WIPI2: variants seen among roughly 807,000 people sequenced by gnomAD.
WIPI2 encodes the protein WD repeat domain phosphoinositide-interacting protein 2.
WIPI2 carries 28 observed loss-of-function variants against 52.3 expected under a neutral mutation model. The ratio of observed to expected loss-of-function variants is 0.54; its 90% CI spans 0.40 to 0.73. The LOEUF (loss-of-function observed/expected upper bound fraction) is 0.73, where lower values mean the gene tolerates loss of function less well. Ranked by LOEUF, WIPI2 falls within the 30% of genes least tolerant of loss-of-function variation. The pLI is 0.00. For missense variants in WIPI2, 506 were observed against 602.9 expected, an observed-to-expected ratio of 0.84 and a Z score of 1.68; for synonymous variants, 268 against 245.0, an observed-to-expected ratio of 1.09 and a Z score of -0.88.
chr7:5,199,674 A>G lies in WIPI2; in HGVS notation c.211+16A>G, dbSNP rs762155459. ...TATGAATGCAGTAAGTGTTTGCTTTATTTTTCCCCTTCTTAAAAAAAAAAA... is the reference window on the plus strand; with the variant it reads ...TATGAATGCAGTAAGTGTTTGCTTTGTTTTTCCCCTTCTTAAAAAAAAAAA... On this transcript the variant is annotated intron_variant, in intron 3 of 12. Transcript: ENST00000288828. The G allele has an allele frequency of 1.3e-6, 2 of 1,536,116 alleles. No individual in the cohort carries two copies. The highest frequency in any genetic ancestry group is 1.7e-6 in the Non-Finnish European group (2 of 1,149,244).
At chr7:5,228,576 C>A (rs1783562296) in intron 11 of WIPI2, among the ~76,000 whole-genome samples, 1 of 152,192 alleles carries the variant, frequency 6.6e-6, no homozygotes, top group Non-Finnish European at 1.5e-5. Flanking sequence ...GCGTGGTGGC[C>A]TCCACAATTC....
intron 2 of WIPI2, among the ~76,000 whole-genome samples, chr7:5,197,066 C>T (rs895778288): frequency 2.3e-5 from 3 of 128,796 alleles, no homozygotes; most frequent in African/African-American, 8.5e-5. Flanking sequence ...GAGCCAGGAT[C>T]GCGCTGCTGC....
intron 3 of WIPI2, among the ~76,000 whole-genome samples, chr7:5,203,378 G>T (rs533806449): frequency 1.3e-5 from 2 of 152,288 alleles, no homozygotes; most frequent in Admixed American, 6.5e-5. Flanking sequence ...GATTCAAGCA[G>T]TTATTTCATG....
At chr7:5,221,439 G>A (rs1783124441) in intron 7 of WIPI2, among the ~76,000 whole-genome samples, 1 of 152,124 alleles carries the variant, frequency 6.6e-6, no homozygotes, top group African/African-American at 2.4e-5. Context: ...ATAGTAGGAG[G>A]GTGAATGTTG....
At chr7:5,198,160 C>G (rs942458703) in intron 2 of WIPI2, among the ~76,000 whole-genome samples, 4 of 152,138 alleles carry the variant, frequency 2.6e-5, no homozygotes, top group Admixed American at 6.5e-5. Context: ...TCTAAGGTAG[C>G]TTTGGAGTCC....
intron 3 of WIPI2, chr7:5,214,072 C>G (rs1282062661): frequency 1.6e-5 from 4 of 250,084 alleles, no homozygotes; most frequent in Non-Finnish European, 1.6e-5. Context: ...TGTCATGCCA[C>G]TTTGGACATG....
chr7:5,221,023 G>A (rs1783098170), intron 7 of WIPI2, among the ~76,000 whole-genome samples: 1 of 148,050 alleles, frequency 6.8e-6, no homozygotes, highest in South Asian at 2.2e-4. Flanking sequence ...AAGTGCAGTG[G>A]TATGATCTCG....
At chr7:5,212,674 C>T (rs1177121193) in intron 3 of WIPI2, among the ~76,000 whole-genome samples, 2 of 152,206 alleles carry the variant, frequency 1.3e-5, no homozygotes, top group Non-Finnish European at 1.5e-5. Flanking sequence ...TGCACCACCA[C>T]GCCCAGCTAA....
intron 2 of WIPI2, among the ~76,000 whole-genome samples, chr7:5,195,527 TAAAA>T (rs1318953533): frequency 6.6e-6 from 1 of 152,210 alleles, no homozygotes; most frequent in African/African-American, 2.4e-5. Context: ...TCTGTTGACT[TAAAA>T]ATAAATAAAT....
chr7:5,213,166 C>T (rs1465380361), intron 3 of WIPI2: 2 of 152,302 alleles, frequency 1.3e-5, no homozygotes, highest in African/African-American at 2.4e-5. Context: ...AAGCTGCAGA[C>T]AGAGCCTGTC....
rs577778834 is a variant in WIPI2, at chr7:5,233,412, C to A, written c.*2465C>A. The A allele has an allele frequency of 3.9e-5, 6 of 152,344 alleles. No individual in the cohort carries two copies. The highest frequency in any genetic ancestry group is 2.6e-4 in the Admixed American group (4 of 15,278). 9.4% of individuals were successfully genotyped at this position (152,344 alleles called of 1,614,324 possible). On this transcript the variant is annotated 3_prime_UTR_variant, in exon 13 of 13. Transcript: ENST00000288828. ...GAGAGGGACCCTGAACCAAACAGAA[C>A]GTGTGCTAATTTTCCGAACTCCAAA...
At chr7:5,205,711 T>C (rs1467851875) in intron 3 of WIPI2, among the ~76,000 whole-genome samples, 1 of 152,198 alleles carries the variant, frequency 6.6e-6, no homozygotes, top group Non-Finnish European at 1.5e-5. Context: ...TTTCACCATA[T>C]TGGGCAGGCT....
intron 7 of WIPI2, among the ~76,000 whole-genome samples, chr7:5,219,664 G>C (rs1051200220): frequency 2.6e-5 from 4 of 152,200 alleles, no homozygotes; most frequent in African/African-American, 9.7e-5. Flanking sequence ...CACGGTAGAC[G>C]TGCGCCACAA....
chr7:5,229,727 C>G lies in WIPI2; in HGVS notation c.1241C>G (p.Pro414Arg). The G allele has an allele frequency of 3.1e-6, 5 of 1,613,912 alleles. No individual in the cohort carries two copies. The highest frequency in any genetic ancestry group is 4.2e-6 in the Non-Finnish European group (5 of 1,179,874). The change falls in exon 12 of 13, where the codon CCA becomes CGA. Residue 414 changes from proline to arginine, a missense_variant. This residue lies in a region of WIPI2 where 194 missense variants were observed against 175.1 expected (regional missense o/e 1.11). Transcript: ENST00000288828. The stretch of plus-strand genomic sequence containing the variant: ...AAAGGTACTTACGTGCCTTCATCCC[C>G]AACGAGACTTGGTAAGGGGCGTGAC... Reference protein sequence around the residue: ...AGKGTYVPSSPTRLAYTDDLG... With the variant: ...AGKGTYVPSSRTRLAYTDDLG...
chr7:5,195,848 G>T (rs985864843), intron 2 of WIPI2, among the ~76,000 whole-genome samples: 1 of 151,882 alleles, frequency 6.6e-6, no homozygotes, highest in Non-Finnish European at 1.5e-5. Flanking sequence ...AGACCAGCCT[G>T]GCCAAGATGG....
chr7:5,229,870 C>T (rs1283101249), intron 12 of WIPI2, 132 bp downstream of exon 12: 10 of 1,316,940 alleles, frequency 7.6e-6, no homozygotes, highest in South Asian at 3.0e-5. Flanking sequence ...AGAACATAAG[C>T]GAGGTTGGTA....
Position 5,232,402 on chromosome 7 carries a change from T to TC in WIPI2, c.*1457dup. 1 of 398,116 alleles carries TC rather than the reference T, an allele frequency of 2.5e-6. No homozygotes were observed. The highest frequency in any genetic ancestry group is 4.4e-6 in the Non-Finnish European group (1 of 226,030). 24.7% of individuals were successfully genotyped at this position (398,116 alleles called of 1,614,324 possible). A position where few individuals can be genotyped will look rare whatever the true frequency, so the allele number is the denominator to read the frequency against. ...AAACTAAATGCAGGGGACGCTGGAG[T>TC]CCGACTCACCTACACCGGCTTCCTC... On this transcript the variant is annotated 3_prime_UTR_variant, in exon 13 of 13. Coordinates refer to ENST00000288828, the MANE Select transcript of WIPI2 (RefSeq NM_015610.4).
chr7:5,229,537 C>T (rs1783617742), intron 11 of WIPI2, 71 bp from the exon 12 acceptor site: 3 of 1,542,902 alleles, frequency 1.9e-6, no homozygotes, highest in Non-Finnish European at 2.6e-6. Context: ...TGCCGCAGGG[C>T]AGCCAGTGTG....
intron 3 of WIPI2, among the ~76,000 whole-genome samples, chr7:5,208,024 C>CCA (rs1782376234): frequency 6.6e-6 from 1 of 152,218 alleles, no homozygotes. Flanking sequence ...TCTCGACCTC[C>CCA]CAAAGTGCTG....
Sources: allele counts gnomAD v4.1 joint callset (sites outside exome capture counted in the v4.1 genomes callset), GRCh38; gene constraint gnomAD v4.1.1; regional missense constraint gnomAD v4.1.1; transcripts MANE v1.5; gene names NCBI Gene and HGNC (gene_info 2026-07-23, HGNC 2026-07-21).